The following NDUFS1 variants were observed in gnomAD, a reference collection of about 807,000 sequenced individuals.
The protein encoded by NDUFS1 is NADH:ubiquinone oxidoreductase core subunit S1.
Under a neutral mutation model 84.4 loss-of-function variants are expected in NDUFS1, and 61 were observed. The ratio of observed to expected loss-of-function variants is 0.72; its 90% confidence interval spans 0.59 to 0.89. The LOEUF (loss-of-function observed/expected upper bound fraction) is 0.89, where lower values mean the gene tolerates loss of function less well. NDUFS1 is among the 40% of genes least tolerant of loss of function. The probability of loss-of-function intolerance (pLI) is 0.00; values close to 1 mark genes in which losing one functional copy is unlikely to be tolerated. For missense variants in NDUFS1, 891 were observed against 890.0 expected (o/e 1.00, Z -0.01); for synonymous variants, 275 against 290.0 (o/e 0.95, Z 0.53).
At chr2:206,145,998 C>A (rs1692141588) in intron 8 of NDUFS1, among the ~76,000 whole-genome samples, 1 of 152,168 alleles carries the variant, frequency 6.6e-6, no homozygotes, top group African/African-American at 2.4e-5. Flanking sequence ...TTCATAAACT[C>A]CTGGATAACT....
At chr2:206,133,243 C>T (rs896705210) in intron 13 of NDUFS1, 138 bp from the exon 14 acceptor site, 63 of 680,418 alleles carry the variant, frequency 9.3e-5, no homozygotes, top group Admixed American at 5.1e-4. Flanking sequence ...GCCCAACATA[C>T]AGACACACAT....
intron 1 of NDUFS1, among the ~76,000 whole-genome samples, chr2:206,158,088 C>T (rs1296759013): frequency 1.9e-5 from 2 of 104,974 alleles, no homozygotes; most frequent in Non-Finnish European, 3.6e-5. Context: ...CTCAGCCTCC[C>T]AAGTAGCTGG....
At chr2:206,130,662 C>T (rs1032651942) in intron 14 of NDUFS1, among the ~76,000 whole-genome samples, 1 of 151,998 alleles carries the variant, frequency 6.6e-6, no homozygotes, top group African/African-American at 2.4e-5. Context: ...GCCAAAAAAT[C>T]CCATTCTTAC....
chr2:206,142,967 C>T, intron 10 of NDUFS1, 136 bp from the exon 11 acceptor site: 1 of 1,234,618 alleles, frequency 8.1e-7, no homozygotes, highest in Non-Finnish European at 1.1e-6. Context: ...AGTTTTACAA[C>T]ATGCCCAGGC....
chr2:206,130,083 C>A lies in NDUFS1; in HGVS notation c.1708+5G>T. 6.2e-7 allele frequency: 1 copy of A among 1,614,094 alleles called. No homozygotes were observed. The highest frequency in any genetic ancestry group is 2.2e-5 in the East Asian group (1 of 44,876). On this transcript the variant is annotated splice_donor_5th_base_variant and intron_variant, in intron 15 of 18. Coordinates refer to ENST00000233190, the MANE Select transcript of NDUFS1 (RefSeq NM_005006.7). ...TTTGTTTCTGGTGTCACAGGTGATACTTACCTTGATAAATAATGAAACAAT... is the reference window on the plus strand; with the variant it reads ...TTTGTTTCTGGTGTCACAGGTGATAATTACCTTGATAAATAATGAAACAAT...
intron 18 of NDUFS1, 128 bp from the exon 19 acceptor site, chr2:206,124,404 T>C (rs748547306): frequency 8.3e-6 from 6 of 720,820 alleles, no homozygotes; most frequent in African/African-American, 1.8e-5. Flanking sequence ...TATATAATTA[T>C]ATGTAACCAA....
chr2:206,147,422 C>T, intron 7 of NDUFS1, 109 bp downstream of exon 7: 1 of 1,106,566 alleles, frequency 9.0e-7, no homozygotes, highest in Non-Finnish European at 1.3e-6. Flanking sequence ...CATCCCTCTT[C>T]TCCCACCCAA....
At chr2:206,159,261 TG>T in intron 1 of NDUFS1, 79 bp downstream of exon 1, 1 of 904,116 alleles carries the variant, frequency 1.1e-6, no homozygotes, top group Middle Eastern at 2.9e-4. Flanking sequence ...CTACGTCGCG[TG>T]GGCCAAAGGA....
chr2:206,137,589 G>A (rs1034768802), intron 13 of NDUFS1, among the ~76,000 whole-genome samples: 6 of 151,724 alleles, frequency 4.0e-5, no homozygotes, highest in Non-Finnish European at 8.8e-5. Flanking sequence ...AGAAAGGGGG[G>A]AAAAAAAAGT....
intron 1 of NDUFS1, chr2:206,159,045 G>A (rs1687799164): frequency 3.9e-6 from 6 of 1,531,412 alleles, no homozygotes; most frequent in Admixed American, 3.9e-5. Flanking sequence ...TCCTCTGAGA[G>A]GGAAATGTCC....
intron 18 of NDUFS1, among the ~76,000 whole-genome samples, chr2:206,124,950 G>A (rs775967808): frequency 3.3e-5 from 5 of 151,990 alleles, no homozygotes; most frequent in African/African-American, 9.7e-5. Context: ...CACTTCATGA[G>A]TAAATTTTAG....
chr2:206,149,775 T>C (rs1433441538), intron 4 of NDUFS1, 43 bp downstream of exon 4: 2 of 1,436,038 alleles, frequency 1.4e-6, no homozygotes, highest in African/African-American at 2.8e-5. Context: ...TTTAAAGTTT[T>C]CTACCTTCTA....
intron 12 of NDUFS1, 77 bp from the exon 13 acceptor site, chr2:206,138,691 A>T: frequency 7.1e-7 from 1 of 1,403,798 alleles, no homozygotes; most frequent in Non-Finnish European, 1.0e-6. Context: ...TAAGTGATAC[A>T]TCTATTTACT....
chr2:206,131,941 AAAT>A (rs768129947), intron 14 of NDUFS1, among the ~76,000 whole-genome samples: 4 of 150,894 alleles, frequency 2.7e-5, no homozygotes, highest in South Asian at 2.1e-4. Flanking sequence ...TTCATCTCAA[AAAT>A]AATAATAATA....
intron 3 of NDUFS1, 35 bp from the exon 4 acceptor site, chr2:206,149,960 C>T (rs768462038): frequency 8.9e-7 from 1 of 1,128,834 alleles, no homozygotes; most frequent in African/African-American, 1.8e-5. Flanking sequence ...AAAAAAAAAG[C>T]ATTAGAATAA....
At chr2:206,159,060 T>C in intron 1 of NDUFS1, 1 of 1,534,688 alleles carries the variant, frequency 6.5e-7, no homozygotes, top group Non-Finnish European at 8.7e-7. Context: ...ATGTCCTGAA[T>C]TTTCCCTGCA....
chr2:206,137,591 A>G (rs990896622), intron 13 of NDUFS1, among the ~76,000 whole-genome samples: 6 of 144,086 alleles, frequency 4.2e-5, no homozygotes, highest in East Asian at 1.9e-4. Flanking sequence ...AAAGGGGGGA[A>G]AAAAAAGTCT....
At chr2:206,140,634 C>T (rs1470135924) in intron 12 of NDUFS1, among the ~76,000 whole-genome samples, 4 of 151,898 alleles carry the variant, frequency 2.6e-5, no homozygotes, top group Non-Finnish European at 5.9e-5. Flanking sequence ...GCATGCGCCA[C>T]CATGCCCGGC....
Position 206,133,111 on chromosome 2 carries a change from T to C in NDUFS1, c.1393-6A>G, listed in dbSNP as rs775672955. 1 of 1,284,120 alleles carries C rather than the reference T, an allele frequency of 7.8e-7. No homozygotes were observed. The highest frequency in any genetic ancestry group is 1.5e-5 in the African/African-American group (1 of 65,260). 79.5% of individuals were successfully genotyped at this position (1,284,120 alleles called of 1,614,324 possible). ...TTTTTAGCTTCCTTTAGGACCTATT[T>C]AAAAAAAAAAACAACTTTGATTTTA... On this transcript the variant is annotated splice_region_variant and splice_polypyrimidine_tract_variant and intron_variant, in intron 13 of 18. Coordinates refer to ENST00000233190, the MANE Select transcript of NDUFS1 (RefSeq NM_005006.7).
Sources: allele counts gnomAD v4.1 joint callset (sites outside exome capture counted in the v4.1 genomes callset), GRCh38; gene constraint gnomAD v4.1.1; transcripts MANE v1.5; gene names NCBI Gene and HGNC (gene_info 2026-07-23, HGNC 2026-07-21).